The following SNN variants were observed in gnomAD, a reference collection of about 807,000 sequenced individuals.
The protein encoded by SNN is AG8_1.
In SNN, 5 loss-of-function variants were observed where a neutral mutation model predicts 5.3. The ratio of observed to expected loss-of-function variants is 0.94; its 90% confidence interval spans 0.49 to 1.97. The LOEUF is 1.97. Among genes scored for constraint, SNN ranks in the 30% most tolerant of loss-of-function variants. The pLI is 0.01. For missense variants in SNN, 127 were observed against 121.6 expected (o/e 1.04, Z -0.21); for synonymous variants, 67 against 52.1 (o/e 1.29, Z -1.24).
chr16:11,670,081 C>A (rs2050257729), intron 1 of SNN, among the ~76,000 whole-genome samples: 1 of 152,222 alleles, frequency 6.6e-6, no homozygotes, highest in South Asian at 2.1e-4. Context: ...CGTCCCGCCT[C>A]GTCCTGGCTG....
In SNN at chr16:11,668,828, C is replaced by T. The variant is rs566463558; in HGVS notation, c.-86+288C>T. ...GTGGGGATCGCGGGGCGCTCGCCCC[C>T]GCCCGTGCAGCCCCCGCCCGTCCTC... On this transcript the variant is annotated intron_variant, in intron 1 of 1. Coordinates refer to ENST00000329565, the MANE Select transcript of SNN (RefSeq NM_003498.6). The surrounding 1 kb of genome is among the most constrained non-coding windows in gnomAD (Gnocchi z 6.8). Among the ~76,000 whole-genome samples the T allele has an allele frequency of 6.6e-6, 1 of 151,610 alleles. No individual in the cohort carries two copies. Among genetic ancestry groups the T allele is most frequent in the African/African-American group, 2.4e-5 (1 of 41,332 alleles).
rs1430056259 is a variant in SNN, at chr16:11,678,983, G to A, written c.*2657G>A. ...TAATTTTTTGGACAAATCTTCAAAC[G>A]GACTGTGCTACTGTATTTGTCTCAA... On this transcript the variant is annotated 3_prime_UTR_variant, in exon 2 of 2. Coordinates refer to ENST00000329565, the MANE Select transcript of SNN (RefSeq NM_003498.6). The A allele has an allele frequency of 4.9e-5, 28 of 566,576 alleles. No individual in the cohort carries two copies. The South Asian group carries it at 5.1e-4, about 10-fold the overall frequency. The allele number at this position is 566,576 out of a possible 1,614,324, so 35.1% of individuals were successfully genotyped here.
chr16:11,669,590 G>C (rs1383171681), intron 1 of SNN, among the ~76,000 whole-genome samples: 1 of 152,226 alleles, frequency 6.6e-6, no homozygotes, highest in Non-Finnish European at 1.5e-5. Context: ...CTGTTGTCTT[G>C]AGGCAGAAAG....
chr16:11,669,182 G>A (rs924573850), intron 1 of SNN, among the ~76,000 whole-genome samples: 5 of 152,156 alleles, frequency 3.3e-5, no homozygotes, highest in African/African-American at 4.8e-5. Flanking sequence ...CCGTGGAGTG[G>A]GGGAGACGCC....
chr16:11,677,459 C>G lies in SNN; in HGVS notation c.*1133C>G, dbSNP rs941740427. 1 of 167,136 alleles carries G rather than the reference C, an allele frequency of 6.0e-6. No individual in the cohort carries two copies. Among genetic ancestry groups the G allele is most frequent in the African/African-American group, 2.4e-5 (1 of 41,464 alleles). 10.4% of individuals were successfully genotyped at this position (167,136 alleles called of 1,614,324 possible). A position where few individuals can be genotyped will look rare whatever the true frequency, so the allele number is the denominator to read the frequency against. The stretch of plus-strand genomic sequence containing the variant: ...GTCCCCTGACCCAGCTCTAAAGGCA[C>G]TTAGGACCCAGGGAACATTTCTCAC... On this transcript the variant is annotated 3_prime_UTR_variant, in exon 2 of 2. Transcript: ENST00000329565. The surrounding 1 kb of genome is among the most constrained non-coding windows in gnomAD (Gnocchi z 4.2).
chr16:11,669,275 C>T (rs994129153), intron 1 of SNN, among the ~76,000 whole-genome samples: 26 of 152,148 alleles, frequency 1.7e-4, no homozygotes, highest in African/African-American at 5.5e-4. Context: ...GCTCAGCACT[C>T]GGGAGCCGCC....
intron 1 of SNN, among the ~76,000 whole-genome samples, chr16:11,674,561 G>C (rs1013231234): frequency 6.6e-6 from 1 of 152,236 alleles, no homozygotes; most frequent in Non-Finnish European, 1.5e-5. Context: ...TGAACTCCGT[G>C]GCTCGGCCAG....
chr16:11,671,397 A>G lies in SNN; in HGVS notation c.-86+2857A>G, dbSNP rs2050265129. Among the ~76,000 whole-genome samples the G allele has an allele frequency of 6.6e-6, 1 of 152,164 alleles. No homozygotes were observed. Among genetic ancestry groups the G allele is most frequent in the Non-Finnish European group, 1.5e-5 (1 of 68,016 alleles). ...CAGCCTGCCCAGAGATGGAAGGCCC[A>G]GGCTGTGCTCTGGGTCCTGGCCCCT... On this transcript the variant is annotated intron_variant, in intron 1 of 1. Transcript: ENST00000329565. The surrounding 1 kb of genome is among the most constrained non-coding windows in gnomAD (Gnocchi z 4.7).
Position 11,676,312 on chromosome 16 carries a change from G to C in SNN, c.253G>C (p.Glu85Gln). The change falls in exon 2 of 2, where the codon GAA becomes CAA. Residue 85 changes from glutamate (E) to glutamine (Q), a missense_variant. Glu to Gln is a conservative substitution (Grantham distance 29). Transcript: ENST00000329565. ...KAKLMTPNGP[E>Q]VHG Reference sequence around the variant, plus strand: ...CAAGCTGATGACTCCCAACGGCCCGGAAGTCCACGGCTGAGCCAGGATGCA... The same window carrying C: ...CAAGCTGATGACTCCCAACGGCCCGCAAGTCCACGGCTGAGCCAGGATGCA... 1 of 1,613,296 alleles carries C rather than the reference G, an allele frequency of 6.2e-7. No individual in the cohort carries two copies. The highest frequency in any genetic ancestry group is 8.5e-7 in the Non-Finnish European group (1 of 1,179,320).
chr16:11,675,946 G>A lies in SNN; in HGVS notation c.-85-29G>A, dbSNP rs1020412749. On this transcript the variant is annotated intron_variant, in intron 1 of 1. Transcript: ENST00000329565. ...AATAGACCCCGTGGAAGTGCTAACC[G>A]CAGCTCGTCAACCTGCTTTGTCTTT... 2.9e-5 allele frequency: 33 copies of A among 1,157,502 alleles called. No individual in the cohort carries two copies. In the East Asian group the frequency reaches 6.8e-4, roughly 24 times the overall value. 71.7% of individuals were successfully genotyped at this position (1,157,502 alleles called of 1,614,324 possible).
rs928035721 is a variant in SNN, at chr16:11,677,472, G to T, written c.*1146G>T. 6.0e-6 allele frequency: 1 copy of T among 167,110 alleles called. No homozygotes were observed. The highest frequency in any genetic ancestry group is 2.4e-5 in the African/African-American group (1 of 41,434). 10.4% of individuals were successfully genotyped at this position (167,110 alleles called of 1,614,324 possible). A position where few individuals can be genotyped will look rare whatever the true frequency, so the allele number is the denominator to read the frequency against. ...GCTCTAAAGGCACTTAGGACCCAGGGAACATTTCTCACGTGCACATTCCCC... is the reference window on the plus strand; with the variant it reads ...GCTCTAAAGGCACTTAGGACCCAGGTAACATTTCTCACGTGCACATTCCCC... On this transcript the variant is annotated 3_prime_UTR_variant, in exon 2 of 2. Transcript: ENST00000329565. The surrounding 1 kb of genome is among the most constrained non-coding windows in gnomAD (Gnocchi z 4.2).
chr16:11,673,837 G>A (rs552742909), intron 1 of SNN, among the ~76,000 whole-genome samples: 2 of 152,336 alleles, frequency 1.3e-5, no homozygotes, highest in African/African-American at 4.8e-5. Context: ...CTTGGAAGGC[G>A]TCCTGGCTGC....
intron 1 of SNN, among the ~76,000 whole-genome samples, chr16:11,670,887 G>A (rs1033613630): frequency 1.3e-5 from 2 of 152,230 alleles, no homozygotes; most frequent in Non-Finnish European, 2.9e-5. Context: ...AGCTGGGGCA[G>A]GGACTGTCCA....
intron 1 of SNN, among the ~76,000 whole-genome samples, chr16:11,669,606 A>G (rs1197583795): frequency 6.6e-6 from 1 of 152,256 alleles, no homozygotes; most frequent in Non-Finnish European, 1.5e-5. Flanking sequence ...GAAAGGAGAC[A>G]TCTGCGTGAG....
At chr16:11,669,229 G>C (rs1459155518) in intron 1 of SNN, among the ~76,000 whole-genome samples, 1 of 152,118 alleles carries the variant, frequency 6.6e-6, no homozygotes, top group Non-Finnish European at 1.5e-5. Context: ...AGGGTGCGCG[G>C]AGCGCGCCTG....
intron 1 of SNN, among the ~76,000 whole-genome samples, chr16:11,670,576 C>A (rs537310182): frequency 6.6e-6 from 1 of 152,322 alleles, no homozygotes; most frequent in East Asian, 1.9e-4. Flanking sequence ...CTTTTGTTTT[C>A]ACTTTTCTTA....
Position 11,676,340 on chromosome 16 carries a change from G to T in SNN, c.*14G>T. On this transcript the variant is annotated 3_prime_UTR_variant, in exon 2 of 2. Transcript: ENST00000329565. ...GTCCACGGCTGAGCCAGGATGCAAG[G>T]CTCCTGGTCCTGTTTGCAGCCGGCC... 1 of 1,607,208 alleles carries T rather than the reference G, an allele frequency of 6.2e-7. No homozygotes were observed. The highest frequency in any genetic ancestry group is 8.5e-7 in the Non-Finnish European group (1 of 1,174,564).
chr16:11,673,644 G>A (rs1386382226), intron 1 of SNN, among the ~76,000 whole-genome samples: 1 of 152,240 alleles, frequency 6.6e-6, no homozygotes, highest in Non-Finnish European at 1.5e-5. Flanking sequence ...TGTCCCCAGG[G>A]TGGGGACACA....
intron 1 of SNN, among the ~76,000 whole-genome samples, chr16:11,669,829 G>T (rs1376398294): frequency 6.6e-6 from 1 of 152,152 alleles, no homozygotes; most frequent in Non-Finnish European, 1.5e-5. Context: ...GCGGGCTCCC[G>T]CTTCCTCTTT....
Sources: allele counts gnomAD v4.1 joint callset (sites outside exome capture counted in the v4.1 genomes callset), GRCh38; gene constraint gnomAD v4.1.1; non-coding constraint Gnocchi (gnomAD v3.1); transcripts MANE v1.5; gene names NCBI Gene and HGNC (gene_info 2026-07-23, HGNC 2026-07-21).